ST6GAL1: variants seen among roughly 807,000 people sequenced by gnomAD.
The protein encoded by ST6GAL1 is ST6 beta-galactoside alpha-2,6-sialyltransferase 1.
A neutral mutation model predicts 38.0 loss-of-function variants in ST6GAL1; 20 were observed. That is an observed-to-expected ratio of 0.53 (90% CI 0.37 to 0.77). The LOEUF is 0.77. Among genes scored for constraint, ST6GAL1 ranks in the 30% least tolerant of loss-of-function variants. The pLI is 0.00. For missense variants in ST6GAL1, 432 were observed against 496.4 expected, an observed-to-expected ratio of 0.87 and a Z score of 1.23; for synonymous variants, 196 against 188.2, an observed-to-expected ratio of 1.04 and a Z score of -0.34.
At position 187,075,419 on chromosome 3, in the gene ST6GAL1, G is replaced by T. The variant is rs35088576; in HGVS notation, c.980-143G>T. ...GCTGGGCTTGGCTTGCTGAAACTTA[G>T]ATTGGGAATCACAGTCATAAATAGA... On this transcript the variant is annotated intron_variant, in intron 7 of 7. Transcript: ENST00000169298. This position sits in a 1 kb window ranked among gnomAD's most constrained non-coding sequence, Gnocchi z 4.1. 7.7e-7 allele frequency: 1 copy of T among 1,296,760 alleles called. No homozygotes were observed. Among genetic ancestry groups the T allele is most frequent in the East Asian group, 2.4e-5 (1 of 42,448 alleles). The allele number at this position is 1,296,760 out of a possible 1,614,324, so 80.3% of individuals were successfully genotyped here.
chr3:186,987,174 G>T (rs1715958268), intron 2 of ST6GAL1, among the ~76,000 whole-genome samples: 1 of 84,402 alleles, frequency 1.2e-5, no homozygotes, highest in African/African-American at 4.6e-5. Context: ...GAAAGAGAAA[G>T]AGAGACAGGG....
At chr3:186,982,480 T>C (rs970528346) in intron 2 of ST6GAL1, among the ~76,000 whole-genome samples, 2 of 152,226 alleles carry the variant, frequency 1.3e-5, no homozygotes, top group South Asian at 2.1e-4. Flanking sequence ...GGCAAAGATA[T>C]TGAGGGCCAG....
intron 2 of ST6GAL1, among the ~76,000 whole-genome samples, chr3:187,026,251 T>C (rs1173570198): frequency 6.6e-6 from 1 of 152,254 alleles, no homozygotes; most frequent in Non-Finnish European, 1.5e-5. Context: ...TTGACCCATG[T>C]TGGTTCCCGC....
chr3:187,017,498 G>C (rs1230331667), intron 2 of ST6GAL1, among the ~76,000 whole-genome samples: 1 of 152,162 alleles, frequency 6.6e-6, no homozygotes, highest in Non-Finnish European at 1.5e-5. Flanking sequence ...GGGCAGGGGA[G>C]GGTTACACCA....
intron 2 of ST6GAL1, chr3:186,974,995 A>G (rs190373225): frequency 2.0e-5 from 3 of 152,332 alleles, no homozygotes; most frequent in Non-Finnish European, 4.4e-5. Context: ...GTCCTCGCCA[A>G]CATCTACAAA....
chr3:187,053,170 T>A (rs561868189), intron 5 of ST6GAL1, among the ~76,000 whole-genome samples: 14 of 152,342 alleles, frequency 9.2e-5, no homozygotes, highest in Admixed American at 3.3e-4. Context: ...GTAAATTTGT[T>A]TACATTCTTT....
intron 2 of ST6GAL1, among the ~76,000 whole-genome samples, chr3:187,033,623 T>C (rs969420583): frequency 6.6e-6 from 1 of 152,208 alleles, no homozygotes; most frequent in Admixed American, 6.5e-5. Flanking sequence ...CCTATTACTA[T>C]ATAAATTCAT....
chr3:187,029,304 TAAAC>T (rs1717658240), intron 2 of ST6GAL1, among the ~76,000 whole-genome samples: 1 of 152,112 alleles, frequency 6.6e-6, no homozygotes, highest in African/African-American at 2.4e-5. Flanking sequence ...ACTTATCAAT[TAAAC>T]AAAGGGGTGA....
chr3:186,965,786 C>G (rs1194870082), intron 2 of ST6GAL1, among the ~76,000 whole-genome samples: 1 of 152,228 alleles, frequency 6.6e-6, no homozygotes, highest in Non-Finnish European at 1.5e-5. Flanking sequence ...TTCTCTTCCT[C>G]GTCCTTCCCC....
rs1453072162 is a variant in ST6GAL1, at chr3:187,042,820, A to T, written c.117A>T (p.Lys39Asn). 6.2e-7 allele frequency: 1 copy of T among 1,614,148 alleles called. No homozygotes were observed. The highest frequency in any genetic ancestry group is 1.1e-5 in the South Asian group (1 of 91,084). The change falls in exon 4 of 8, where the codon AAA becomes AAT. Residue 39 changes from lysine to asparagine, a missense_variant. Coordinates refer to ENST00000169298, the MANE Select transcript of ST6GAL1 (RefSeq NM_173216.2). ...AAGGGAGTTACTATGATTCCTTTAA[A>T]TTGCAAACCAAGGAATTCCAGGTGT... ...KKKGSYYDSFKLQTKEFQVLK... is the reference protein window; with the variant it reads ...KKKGSYYDSFNLQTKEFQVLK...
rs1006581351 is a variant in ST6GAL1 at position 187,006,265 on chromosome 3, A to G, written c.-182-32477A>G. 6 of 152,186 alleles carry G rather than the reference A, an allele frequency of 3.9e-5. No individual in the cohort carries two copies. The South Asian group carries it at 1.2e-3, about 32-fold the overall frequency. The allele number at this position is 152,186 out of a possible 1,614,324, so 9.4% of individuals were successfully genotyped here. On this transcript the variant is annotated intron_variant, in intron 2 of 7. Transcript: ENST00000169298. ...TGGTCTGATTTAGAACATAAAACCT[A>G]GACCCAAAGGAGAGCCAGTCTGGAA...
At position 186,974,764 on chromosome 3, in the gene ST6GAL1, GAAAT is replaced by G. The variant is rs1203563398; in HGVS notation, c.-183+10850_-183+10853del. 4.6e-5 allele frequency among the ~76,000 whole-genome samples: 7 copies of G among 152,148 alleles called. No individual in the cohort carries two copies. In the South Asian group the frequency reaches 8.3e-4, roughly 18 times the overall value. On this transcript the variant is annotated intron_variant, in intron 2 of 7. Transcript: ENST00000169298. Reference sequence around the variant, plus strand: ...CCCACAGCAGGGTTGGGTGCAAAGGGAAATAAATAAATAAACAAGTGGTGGGGGC... The same window carrying G: ...CCCACAGCAGGGTTGGGTGCAAAGGGAAATAAATAAACAAGTGGTGGGGGC...
intron 1 of ST6GAL1, among the ~76,000 whole-genome samples, chr3:186,957,996 C>G (rs903837772): frequency 1.3e-5 from 2 of 151,194 alleles, no homozygotes; most frequent in African/African-American, 4.9e-5. Context: ...AGAAAGCAAC[C>G]ACTTCAGGTT....
intron 1 of ST6GAL1, among the ~76,000 whole-genome samples, chr3:186,936,577 A>G (rs2108513007): frequency 6.6e-6 from 1 of 152,350 alleles, no homozygotes; most frequent in Middle Eastern, 3.4e-3. Context: ...AGTAATTATT[A>G]CACCAGAAAG....
chr3:187,055,660 G>T (rs1268859568), intron 5 of ST6GAL1, among the ~76,000 whole-genome samples: 1 of 152,118 alleles, frequency 6.6e-6, no homozygotes, highest in Non-Finnish European at 1.5e-5. Flanking sequence ...ATTGCGCTGT[G>T]GTCTGAGAGA....
chr3:187,003,474 G>A (rs911450942), intron 2 of ST6GAL1, among the ~76,000 whole-genome samples: 4 of 150,044 alleles, frequency 2.7e-5, no homozygotes, highest in Non-Finnish European at 5.9e-5. Context: ...CAATTTGGGG[G>A]AAAATTGACA....
chr3:187,006,986 A>T (rs1177942308), intron 2 of ST6GAL1, among the ~76,000 whole-genome samples: 1 of 152,232 alleles, frequency 6.6e-6, no homozygotes, highest in East Asian at 1.9e-4. Context: ...GCTGAGAAGG[A>T]TGAGTTGCTA....
At chr3:187,017,746 C>T (rs1050856870) in intron 2 of ST6GAL1, among the ~76,000 whole-genome samples, 1 of 152,172 alleles carries the variant, frequency 6.6e-6, no homozygotes, top group Non-Finnish European at 1.5e-5. Flanking sequence ...CTTCCTCCTG[C>T]CCAGATTGAT....
At chr3:186,990,234 A>G (rs1221219848) in intron 2 of ST6GAL1, among the ~76,000 whole-genome samples, 18 of 152,144 alleles carry the variant, frequency 1.2e-4, no homozygotes, top group Non-Finnish European at 2.6e-4. Context: ...GGGTTTCACC[A>G]TATTGGCCAG....
Sources: gnomAD v4.1 joint callset for allele counts (sites outside exome capture counted in the v4.1 genomes callset) on GRCh38, gnomAD v4.1.1 for gene constraint, Gnocchi (gnomAD v3.1) non-coding constraint, MANE v1.5 for transcripts, NCBI Gene and HGNC (gene_info 2026-07-23, HGNC 2026-07-21) for gene names.